STARD13: variants seen among roughly 807,000 people sequenced by gnomAD.
The protein encoded by STARD13 is StAR related lipid transfer domain containing 13.
In STARD13, 62 loss-of-function variants were observed where a neutral mutation model predicts 106.4. That is an observed-to-expected ratio of 0.58 (90% CI 0.48 to 0.72). The LOEUF (loss-of-function observed/expected upper bound fraction) is 0.72. STARD13 is among the 30% of genes least tolerant of loss of function. The probability of loss-of-function intolerance (pLI) is 0.00; values close to 1 mark genes in which losing one functional copy is unlikely to be tolerated. For missense variants in STARD13, 1,387 were observed against 1,424.0 expected, an observed-to-expected ratio of 0.97 and a Z score of 0.42; for synonymous variants, 565 against 553.0, an observed-to-expected ratio of 1.02 and a Z score of -0.31.
At chr13:33,451,727 A>G in the STARD13 span, among the ~76,000 whole-genome samples, 3 of 152,230 alleles carry the variant, frequency 2.0e-5, no homozygotes, top group Admixed American at 2.0e-4. Flanking sequence ...TATACCGAGA[A>G]TAAGAGAGGT....
chr13:33,574,793 G>A, the STARD13 span, among the ~76,000 whole-genome samples: 1 of 151,838 alleles, frequency 6.6e-6, no homozygotes, highest in East Asian at 1.9e-4. Flanking sequence ...AAATATAGTT[G>A]AAATGTGTTC....
intron 10 of STARD13, among the ~76,000 whole-genome samples, chr13:33,111,109 GTATT>G (rs1874493364): frequency 6.6e-6 from 1 of 152,208 alleles, no homozygotes; most frequent in African/African-American, 2.4e-5. Context: ...TTCTGAGGCT[GTATT>G]TATTATTCAA....
At chr13:33,491,181 C>G in the STARD13 span, among the ~76,000 whole-genome samples, 1 of 152,158 alleles carries the variant, frequency 6.6e-6, no homozygotes, top group Non-Finnish European at 1.5e-5. Flanking sequence ...GATAACAGAC[C>G]TTGGAAAAAT....
At chr13:33,225,741 C>A (rs758663306) in intron 1 of STARD13, among the ~76,000 whole-genome samples, 5 of 150,790 alleles carry the variant, frequency 3.3e-5, no homozygotes, top group African/African-American at 4.9e-5. Context: ...CTCTTTAAAT[C>A]TTTTCCTTAA....
rs924195155 is a variant in STARD13, at chr13:33,205,805, G to T, written c.170-38183C>A. On this transcript the variant is annotated intron_variant, in intron 1 of 13. Coordinates refer to ENST00000336934, the MANE Select transcript of STARD13 (RefSeq NM_178006.4). Reference sequence around the variant, plus strand: ...CACCACCACGACCTCTTTTTCTATGGAACACAAACTTACTTTGTTTAAAAT... The same window carrying T: ...CACCACCACGACCTCTTTTTCTATGTAACACAAACTTACTTTGTTTAAAAT... The T allele has an allele frequency of 4.1e-6, 4 of 971,166 alleles. No homozygotes were observed. In the African/African-American group the frequency reaches 5.3e-5, roughly 13 times the overall value. The allele number at this position is 971,166 out of a possible 1,614,324, so 60.2% of individuals were successfully genotyped here. A position where few individuals can be genotyped will look rare whatever the true frequency, so the allele number is the denominator to read the frequency against.
At chr13:33,249,453 G>A (rs974453457) in intron 1 of STARD13, among the ~76,000 whole-genome samples, 3 of 152,132 alleles carry the variant, frequency 2.0e-5, no homozygotes, top group East Asian at 1.9e-4. Flanking sequence ...CCAAGAATTC[G>A]TCTTTGACTC....
chr13:33,340,753 ACAG>A lies in STARD13; in HGVS notation c.124+9534_124+9536del, dbSNP rs140248440. Among the ~76,000 whole-genome samples, 495 of 152,386 alleles carry A rather than the reference ACAG, an allele frequency of 3.2e-3. 3 individuals are homozygous for A. Among genetic ancestry groups the A allele is most frequent in the African/African-American group, 0.011 (475 of 41,596 alleles). On this transcript the variant is annotated intron_variant, in intron 1 of 5. Coordinates refer to the STARD13 transcript ENST00000567873. Reference sequence around the variant, plus strand: ...GCCTGAGAGTGTAAGATGTCTTGACACAGCAGATTTGCAAATAAAATATTGTGT... The same window carrying A: ...GCCTGAGAGTGTAAGATGTCTTGACACAGATTTGCAAATAAAATATTGTGT...
Position 33,129,334 on chromosome 13 carries a change from G to A in STARD13, c.1343C>T (p.Ala448Val), listed in dbSNP as rs138172091. 3.4e-4 allele frequency: 549 copies of A among 1,613,994 alleles called. 2 individuals carry two copies. The highest frequency in any genetic ancestry group is 1.0e-4 in the Non-Finnish European group (119 of 1,180,026). Residue 448 changes from alanine to valine, a missense_variant, in exon 5 of 14, where the codon GCG becomes GTG. Physicochemically the swap from Ala to Val is moderately conservative, Grantham distance 64. Transcript: ENST00000336934. ...VPGAREPRLM[A>V]SCHRASRVSI... ...GACTCGGCTGGCTCTGTGGCAGGAC[G>A]CCATGAGCCGGGGCTCCCTGGCACC...
chr13:33,557,560 G>A, the STARD13 span, among the ~76,000 whole-genome samples: 1 of 152,080 alleles, frequency 6.6e-6, no homozygotes, highest in Non-Finnish European at 1.5e-5. Context: ...CGTATTTCCT[G>A]CAGGACAGTA....
At chr13:33,189,436 G>GAA (rs1886070203) in intron 1 of STARD13, among the ~76,000 whole-genome samples, 6 of 32,082 alleles carry the variant, frequency 1.9e-4, no homozygotes, top group Admixed American at 1.7e-3. Context: ...CCTCCTTTCG[G>GAA]AGGAAGGAGG....
chr13:33,251,884 A>G (rs1223826848), intron 1 of STARD13, among the ~76,000 whole-genome samples: 1 of 152,238 alleles, frequency 6.6e-6, no homozygotes, highest in Non-Finnish European at 1.5e-5. Context: ...CTAATCCTGA[A>G]CACAATTTCA....
At chr13:33,593,059 A>G in the STARD13 span, among the ~76,000 whole-genome samples, 1 of 152,214 alleles carries the variant, frequency 6.6e-6, no homozygotes, top group African/African-American at 2.4e-5. Flanking sequence ...GCACTAGGTC[A>G]ATATGCCAGG....
intron 1 of STARD13, among the ~76,000 whole-genome samples, 163 bp downstream of exon 1, chr13:33,285,307 T>C (rs1282654205): frequency 1.3e-5 from 2 of 152,188 alleles, no homozygotes; most frequent in African/African-American, 4.8e-5. Context: ...TCCTGTTTGC[T>C]GAAAACTGCA....
At chr13:33,646,414 C>T in the STARD13 span, among the ~76,000 whole-genome samples, 7 of 152,290 alleles carry the variant, frequency 4.6e-5, no homozygotes, top group East Asian at 9.6e-4. Context: ...GGAGAGGACA[C>T]GAAGCACTCA....
At chr13:33,577,268 T>G in the STARD13 span, among the ~76,000 whole-genome samples, 3 of 152,184 alleles carry the variant, frequency 2.0e-5, no homozygotes, top group Admixed American at 2.0e-4. Context: ...GGCAACCACC[T>G]CTACTCTACA....
chr13:33,439,746 C>T, the STARD13 span: 1,586 of 1,189,102 alleles, frequency 1.3e-3, 4 homozygotes, highest in Non-Finnish European at 1.6e-3. Context: ...CAGTATCACT[C>T]TTAATATCTC....
chr13:33,507,689 C>G, the STARD13 span, among the ~76,000 whole-genome samples: 1 of 152,170 alleles, frequency 6.6e-6, no homozygotes, highest in African/African-American at 2.4e-5. Context: ...GTTAACACAG[C>G]CTACTGTTGA....
the STARD13 span, among the ~76,000 whole-genome samples, chr13:33,389,857 C>T: frequency 6.6e-6 from 1 of 152,086 alleles, no homozygotes; most frequent in South Asian, 2.1e-4. Context: ...GCAAGAATAT[C>T]CTGTAATTTT....
chr13:33,494,812 C>CTT, the STARD13 span, among the ~76,000 whole-genome samples: 1 of 151,942 alleles, frequency 6.6e-6, no homozygotes, highest in Non-Finnish European at 1.5e-5. Context: ...ATATGATACA[C>CTT]TCTATAGAGG....
Sources: gnomAD v4.1 joint callset for allele counts (sites outside exome capture counted in the v4.1 genomes callset) on GRCh38, gnomAD v4.1.1 for gene constraint, MANE v1.5 for transcripts, NCBI Gene and HGNC (gene_info 2026-07-23, HGNC 2026-07-21) for gene names.